The following DAB1 variants were observed in gnomAD, a reference collection of about 807,000 sequenced individuals.
DAB1 encodes disabled homolog 1.
Under a neutral mutation model 64.6 loss-of-function variants are expected in DAB1, and 15 were observed. That is an observed-to-expected ratio of 0.23 (90% CI 0.16 to 0.36). The LOEUF is 0.36. DAB1 is among the 10% of genes least tolerant of loss of function. DAB1 has a pLI of 1.00. For missense variants in DAB1, 596 were observed against 706.7 expected (o/e 0.84, Z 1.78); for synonymous variants, 235 against 251.9 (o/e 0.93, Z 0.64).
chr1:58,024,354 C>T (rs1030461357), intron 5 of DAB1, among the ~76,000 whole-genome samples: 1 of 152,120 alleles, frequency 6.6e-6, no homozygotes, highest in African/African-American at 2.4e-5. Context: ...AATTAGCTTA[C>T]CTCTTTGCAG....
At chr1:58,053,888 G>A (rs1026061534) in intron 5 of DAB1, among the ~76,000 whole-genome samples, 16 of 152,160 alleles carry the variant, frequency 1.1e-4, no homozygotes, top group Admixed American at 2.0e-4. Flanking sequence ...AACCATACTC[G>A]CTGTTGATCT....
At position 56,998,099 on chromosome 1, in the gene DAB1, G is replaced by C. The variant is rs1364419707; in HGVS notation, c.*45C>G. 6.6e-6 allele frequency: 1 copy of C among 152,614 alleles called. No homozygotes were observed. The highest frequency in any genetic ancestry group is 1.5e-5 in the Non-Finnish European group (1 of 68,028). The allele number at this position is 152,614 out of a possible 1,614,324, so 9.5% of individuals were successfully genotyped here. A position where few individuals can be genotyped will look rare whatever the true frequency, so the allele number is the denominator to read the frequency against. ...CGCATCGATGCTATTTCTTAGGTCTGTTGATCTGCGCGTACAGAGGCTCTG... is the reference window on the plus strand; with the variant it reads ...CGCATCGATGCTATTTCTTAGGTCTCTTGATCTGCGCGTACAGAGGCTCTG... On this transcript the variant is annotated 3_prime_UTR_variant, in exon 15 of 15. Transcript: ENST00000371236.
intron 1 of DAB1, among the ~76,000 whole-genome samples, chr1:57,863,813 AAAC>A (rs1363538249): frequency 2.6e-5 from 4 of 152,216 alleles, no homozygotes; most frequent in East Asian, 1.9e-4. Flanking sequence ...AAAGAAAAAG[AAAC>A]AACAAGAACT....
chr1:57,614,939 C>T (rs1402552435), intron 7 of DAB1, among the ~76,000 whole-genome samples: 4 of 138,528 alleles, frequency 2.9e-5, no homozygotes, highest in East Asian at 2.2e-4. Flanking sequence ...GCTGCTGTCT[C>T]GGCTCACTGC....
At chr1:57,240,233 AG>A (rs1668402798) in intron 2 of DAB1, among the ~76,000 whole-genome samples, 1 of 152,206 alleles carries the variant, frequency 6.6e-6, no homozygotes, top group Admixed American at 6.5e-5. Flanking sequence ...CATAAGGAAA[AG>A]GCTCTTCCCT....
chr1:57,558,031 G>GCTTA (rs201763354), intron 7 of DAB1, among the ~76,000 whole-genome samples: 1 of 151,816 alleles, frequency 6.6e-6, no homozygotes, highest in Non-Finnish European at 1.5e-5. Flanking sequence ...AACCCAAGTT[G>GCTTA]CATGCACAGC....
At chr1:58,245,433 A>G (rs1660484967) in intron 4 of DAB1, among the ~76,000 whole-genome samples, 1 of 152,152 alleles carries the variant, frequency 6.6e-6, no homozygotes, top group East Asian at 1.9e-4. Flanking sequence ...AAGGACAAGG[A>G]CACCTAATTG....
chr1:57,148,078 T>C (rs1181191125), intron 2 of DAB1, among the ~76,000 whole-genome samples: 2 of 152,200 alleles, frequency 1.3e-5, no homozygotes, highest in African/African-American at 4.8e-5. Context: ...ACTCAATACA[T>C]TGGCAGCATT....
intron 1 of DAB1, among the ~76,000 whole-genome samples, chr1:57,370,630 G>T (rs1032072506): frequency 6.7e-6 from 1 of 148,464 alleles, no homozygotes; most frequent in Non-Finnish European, 1.5e-5. Flanking sequence ...AAAAAAAAAC[G>T]TGTAACCCTG....
intron 7 of DAB1, among the ~76,000 whole-genome samples, chr1:57,570,068 C>T (rs572508957): frequency 1.7e-4 from 26 of 152,148 alleles, no homozygotes; most frequent in Non-Finnish European, 3.2e-4. Flanking sequence ...AGTATTTATC[C>T]TGGGTGTATC....
At chr1:57,431,759 A>G (rs1685525112) in intron 7 of DAB1, among the ~76,000 whole-genome samples, 1 of 152,074 alleles carries the variant, frequency 6.6e-6, no homozygotes, top group Non-Finnish European at 1.5e-5. Flanking sequence ...CAAACCTCCA[A>G]TTTTTTTCAC....
intron 5 of DAB1, among the ~76,000 whole-genome samples, chr1:57,922,135 C>T (rs1936413): frequency 0.58 from 87,801 of 152,022 alleles, 26,105 homozygotes; most frequent in Non-Finnish European, 0.64. Flanking sequence ...TAATATTCCC[C>T]TCCTGACAAT....
At chr1:58,148,161 G>A (rs976272697) in intron 5 of DAB1, among the ~76,000 whole-genome samples, 1 of 152,106 alleles carries the variant, frequency 6.6e-6, no homozygotes, top group Non-Finnish European at 1.5e-5. Context: ...TCTGTAGCCT[G>A]ACCTACCATC....
intron 4 of DAB1, among the ~76,000 whole-genome samples, chr1:58,221,328 C>T (rs1189069749): frequency 1.3e-5 from 2 of 152,090 alleles, no homozygotes; most frequent in African/African-American, 4.8e-5. Flanking sequence ...GAACACCTGA[C>T]CCTAAACAAT....
At chr1:57,781,733 A>G (rs1330456466) in intron 6 of DAB1, among the ~76,000 whole-genome samples, 1 of 151,744 alleles carries the variant, frequency 6.6e-6, no homozygotes, top group East Asian at 1.9e-4. Flanking sequence ...AAAAAAAAGC[A>G]AAACTGTTGT....
chr1:58,303,916 T>C (rs1662230807), intron 4 of DAB1, among the ~76,000 whole-genome samples: 1 of 152,320 alleles, frequency 6.6e-6, no homozygotes, highest in African/African-American at 2.4e-5. Flanking sequence ...TTTATTTATT[T>C]ATTTATTTTT....
chr1:57,516,741 C>T (rs534521074), intron 7 of DAB1, among the ~76,000 whole-genome samples: 10 of 152,264 alleles, frequency 6.6e-5, no homozygotes, highest in African/African-American at 1.9e-4. Flanking sequence ...GCTCCTTGAA[C>T]GCCAACTTCT....
chr1:57,434,608 G>C (rs1006775399), intron 7 of DAB1, among the ~76,000 whole-genome samples: 6 of 152,204 alleles, frequency 3.9e-5, no homozygotes, highest in Non-Finnish European at 7.3e-5. Context: ...TATGCTCTGA[G>C]AAATGCGTCA....
At chr1:57,014,407 G>A (rs1422902815) in intron 12 of DAB1, among the ~76,000 whole-genome samples, 1 of 152,230 alleles carries the variant, frequency 6.6e-6, no homozygotes, top group East Asian at 1.9e-4. Flanking sequence ...TTTAAAACTT[G>A]TTCCCCAAAT....
Sources: allele counts gnomAD v4.1 joint callset (sites outside exome capture counted in the v4.1 genomes callset), GRCh38; gene constraint gnomAD v4.1.1; transcripts MANE v1.5; gene names NCBI Gene and HGNC (gene_info 2026-07-23, HGNC 2026-07-21).